NAALADL2: variants seen among roughly 807,000 people sequenced by gnomAD.
The protein encoded by NAALADL2 is N-acetylated alpha-linked acidic dipeptidase like 2.
NAALADL2 carries 76 observed loss-of-function variants against 87.2 expected under a neutral mutation model. The observed-to-expected ratio is 0.87, with a 90% CI of 0.72 to 1.05. The LOEUF is 1.05. Ranked by LOEUF, NAALADL2 falls within the 50% of genes least tolerant of loss-of-function variation. The pLI is 0.00. For synonymous variants in NAALADL2, 354 were observed against 331.0 expected (o/e 1.07, Z -0.75); for missense variants, 1,089 against 945.8 (o/e 1.15, Z -1.99).
intron 12 of NAALADL2, among the ~76,000 whole-genome samples, chr3:175,749,342 A>G (rs1446772490): frequency 6.6e-6 from 1 of 152,146 alleles, no homozygotes; most frequent in Non-Finnish European, 1.5e-5. Context: ...TAATTGTCTT[A>G]GTTCATTTTG....
chr3:175,162,650 C>A (rs908275180), intron 2 of NAALADL2, among the ~76,000 whole-genome samples: 1 of 152,062 alleles, frequency 6.6e-6, no homozygotes, highest in African/African-American at 2.4e-5. Context: ...TTGCCAGGAA[C>A]CAGCACTCAT....
intron 3 of NAALADL2, among the ~76,000 whole-genome samples, chr3:174,767,593 C>T (rs1713983868): frequency 6.6e-6 from 1 of 152,078 alleles, no homozygotes; most frequent in African/African-American, 2.4e-5. Flanking sequence ...ACTAGCTTAC[C>T]CACGCCAGAA....
chr3:174,530,424 C>T (rs578241327), intron 1 of NAALADL2, among the ~76,000 whole-genome samples: 1 of 152,286 alleles, frequency 6.6e-6, no homozygotes, highest in East Asian at 1.9e-4. Context: ...TTCTTCTGAA[C>T]CCTGCAAACT....
intron 11 of NAALADL2, among the ~76,000 whole-genome samples, chr3:175,715,988 C>G (rs1440154268): frequency 6.6e-6 from 1 of 151,144 alleles, no homozygotes; most frequent in South Asian, 2.1e-4. Flanking sequence ...TTATTTAAAC[C>G]TACTGTAAGG....
Position 175,759,386 on chromosome 3 carries a change from C to CT in NAALADL2, c.2189+3969dup, listed in dbSNP as rs1747696680. ...TTTTTTTTTTCTTTTGAGATGGAGT[C>CT]TCGCTCTGTCGCCCAGGGTGGAGTG... On this transcript the variant is annotated intron_variant, in intron 13 of 13. Transcript: ENST00000454872. Among the ~76,000 whole-genome samples the CT allele has an allele frequency of 2.1e-5, 3 of 144,478 alleles. No homozygotes were observed. The South Asian group carries it at 6.6e-4, about 32-fold the overall frequency. 94.8% of individuals were successfully genotyped at this position (144,478 alleles called of 152,430 possible).
intron 5 of NAALADL2, among the ~76,000 whole-genome samples, chr3:175,404,088 A>C (rs2149068549): frequency 6.6e-6 from 1 of 152,186 alleles, no homozygotes; most frequent in South Asian, 2.1e-4. Context: ...ATCTTGGTTT[A>C]GTTTCTGAGC....
chr3:175,156,508 G>A (rs891031325), intron 2 of NAALADL2, among the ~76,000 whole-genome samples: 5 of 152,048 alleles, frequency 3.3e-5, no homozygotes, highest in Non-Finnish European at 7.4e-5. Context: ...ACTCGTCACA[G>A]CTTTGAAAGG....
At chr3:174,728,805 T>A (rs1732437542) in intron 2 of NAALADL2, among the ~76,000 whole-genome samples, 1 of 152,084 alleles carries the variant, frequency 6.6e-6, no homozygotes, top group Non-Finnish European at 1.5e-5. Flanking sequence ...GAAGCAGTTA[T>A]CCTCGAAACC....
At chr3:174,507,570 GTCC>G (rs1263483104) in intron 1 of NAALADL2, among the ~76,000 whole-genome samples, 2 of 151,902 alleles carry the variant, frequency 1.3e-5, no homozygotes, top group East Asian at 3.9e-4. Context: ...TGTGCAGTCA[GTCC>G]TCCTCCTCTA....
intron 1 of NAALADL2, among the ~76,000 whole-genome samples, chr3:174,507,790 A>G (rs143413693): frequency 1.3e-5 from 2 of 152,252 alleles, no homozygotes; most frequent in Admixed American, 6.5e-5. Flanking sequence ...GTTTATCCAC[A>G]TATGAACATT....
chr3:175,190,895 G>A (rs1452394906), intron 2 of NAALADL2, among the ~76,000 whole-genome samples: 2 of 150,328 alleles, frequency 1.3e-5, no homozygotes, highest in East Asian at 2.0e-4. Context: ...GGAGAATGGC[G>A]TGAACCCGGG....
chr3:175,199,850 ATATATATATATATATTTTTTTTTTTTTT>A (rs1241176187), intron 2 of NAALADL2, among the ~76,000 whole-genome samples: 14 of 17,790 alleles, frequency 7.9e-4, no homozygotes, highest in South Asian at 2.6e-3. Flanking sequence ...ATATATATAT[ATATATATATATATATTTTTTTTTTTTTT>A]TTTTTTTTTT....
At chr3:175,333,290 T>G (rs1761614705) in intron 5 of NAALADL2, among the ~76,000 whole-genome samples, 1 of 151,788 alleles carries the variant, frequency 6.6e-6, no homozygotes, top group African/African-American at 2.4e-5. Context: ...CCATCAAAGG[T>G]GGATGGGGCA....
chr3:175,067,860 T>C (rs1007676063), intron 1 of NAALADL2, among the ~76,000 whole-genome samples: 1 of 152,014 alleles, frequency 6.6e-6, no homozygotes, highest in African/African-American at 2.4e-5. Context: ...CAATGGTAGA[T>C]AGGATAAAGA....
chr3:175,322,749 A>G (rs1367608793), intron 4 of NAALADL2, among the ~76,000 whole-genome samples: 2 of 148,610 alleles, frequency 1.3e-5, no homozygotes, highest in African/African-American at 5.1e-5. Context: ...GCTCATCATC[A>G]CTAGCCATCA....
Position 175,575,379 on chromosome 3 carries a change from G to T in NAALADL2, c.1654-662G>T, listed in dbSNP as rs1276197938. Among the ~76,000 whole-genome samples, 4 of 152,076 alleles carry T rather than the reference G, an allele frequency of 2.6e-5. No individual in the cohort carries two copies. The East Asian group carries it at 7.8e-4, about 29-fold the overall frequency. On this transcript the variant is annotated intron_variant, in intron 9 of 13. Transcript: ENST00000454872. ...GGCTCACTGCAACCTCTGCCTCCTGGGTTCAAACAAGTCTCCTGCTTCATC... is the reference window on the plus strand; with the variant it reads ...GGCTCACTGCAACCTCTGCCTCCTGTGTTCAAACAAGTCTCCTGCTTCATC...
In NAALADL2 at chr3:175,588,413, G is replaced by A. The variant is rs138547121; in HGVS notation, c.1800+12226G>A. Reference sequence around the variant, plus strand: ...TAGATTTCAAAATATAATACTATAGGGGTATAAAAAGAAGTAAGAAGTTGT... The same window carrying A: ...TAGATTTCAAAATATAATACTATAGAGGTATAAAAAGAAGTAAGAAGTTGT... On this transcript the variant is annotated intron_variant, in intron 10 of 13. Coordinates refer to ENST00000454872, the MANE Select transcript of NAALADL2 (RefSeq NM_207015.3). Among the ~76,000 whole-genome samples, 710 of 148,732 alleles carry A rather than the reference G, an allele frequency of 4.8e-3. 4 individuals are homozygous for A. The highest frequency in any genetic ancestry group is 7.1e-3 in the Non-Finnish European group (468 of 66,114).
intron 5 of NAALADL2, among the ~76,000 whole-genome samples, chr3:175,441,191 G>A (rs766825): frequency 0.051 from 7,738 of 150,664 alleles, 477 homozygotes; most frequent in East Asian, 0.14. Flanking sequence ...AGTATTTGGG[G>A]AAAAAAAAAT....
At chr3:174,645,679 CAT>C (rs796347697) in intron 2 of NAALADL2, among the ~76,000 whole-genome samples, 20 of 152,150 alleles carry the variant, frequency 1.3e-4, no homozygotes, top group African/African-American at 4.3e-4. Context: ...TCGATTTAAA[CAT>C]ATTTTTCTAG....
Sources: gnomAD v4.1 joint callset for allele counts (sites outside exome capture counted in the v4.1 genomes callset) on GRCh38, gnomAD v4.1.1 for gene constraint, MANE v1.5 for transcripts, NCBI Gene and HGNC (gene_info 2026-07-23, HGNC 2026-07-21) for gene names.